CDHR1: variants seen among roughly 807,000 people sequenced by gnomAD.
The protein encoded by CDHR1 is cadherin-related family member 1.
A neutral mutation model predicts 72.1 loss-of-function variants in CDHR1; 61 were observed. That is an observed-to-expected ratio of 0.85 (90% CI 0.69 to 1.05). The LOEUF (loss-of-function observed/expected upper bound fraction) is 1.05. CDHR1 is among the 50% of genes least tolerant of loss of function. The probability of loss-of-function intolerance (pLI) is 0.00; values close to 1 mark genes in which losing one functional copy is unlikely to be tolerated. For missense variants in CDHR1, 1,186 were observed against 1,115.7 expected (o/e 1.06, Z -0.90); for synonymous variants, 470 against 448.1 (o/e 1.05, Z -0.62).
Position 84,197,797 on chromosome 10 carries a change from G to A in CDHR1, c.309G>A (p.Glu103=). 4 of 1,614,068 alleles carry A rather than the reference G, an allele frequency of 2.5e-6. No individual in the cohort carries two copies. Among genetic ancestry groups the A allele is most frequent in the Non-Finnish European group, 3.4e-6 (4 of 1,179,950 alleles). The change falls in exon 4 of 17, where the codon GAG becomes GAA. Residue 103 remains glutamate (E), a synonymous_variant. Transcript: ENST00000623527. ...CCTGTGCTTCACAGAGGGAAGATGAGATTGAAGCCATCATCAGCATTTCTG... is the reference window on the plus strand; with the variant it reads ...CCTGTGCTTCACAGAGGGAAGATGAAATTGAAGCCATCATCAGCATTTCTG... The part of the protein sequence containing the change: ...VEELDRERED[E]IEAIISISDG...
chr10:84,201,754 C>A, intron 6 of CDHR1, 53 bp from the exon 7 acceptor site: 1 of 1,471,916 alleles, frequency 6.8e-7, no homozygotes, highest in Non-Finnish European at 9.4e-7. Context: ...GCGGGCATTC[C>A]TGGGGCTGGC....
Position 84,217,871 on chromosome 10 carries a change from G to A in CDHR1, c.*3250G>A, listed in dbSNP as rs575877403. ...ATTTGGGCGTTGACATTCCAGGGGA[G>A]TTAGGAACAATGAGAGGTCTCTAAG... On this transcript the variant is annotated 3_prime_UTR_variant, in exon 17 of 17. Coordinates refer to ENST00000623527, the MANE Select transcript of CDHR1 (RefSeq NM_033100.4). 9 of 985,502 alleles carry A rather than the reference G, an allele frequency of 9.1e-6. No homozygotes were observed. The South Asian group carries it at 3.3e-4, about 36-fold the overall frequency. 61.0% of individuals were successfully genotyped at this position (985,502 alleles called of 1,614,324 possible).
chr10:84,204,286 C>A (rs115808769), intron 8 of CDHR1, among the ~76,000 whole-genome samples: 36 of 152,248 alleles, frequency 2.4e-4, no homozygotes, highest in Non-Finnish European at 4.7e-4. Context: ...CTGGGCAGCA[C>A]AGGTACTGAC....
chr10:84,196,420 G>C, intron 2 of CDHR1, 85 bp from the exon 3 acceptor site: 1 of 1,441,486 alleles, frequency 6.9e-7, no homozygotes, highest in East Asian at 2.3e-5. Context: ...TTTATAAACA[G>C]CTGAATCGTT....
chr10:84,194,618 C>G lies in CDHR1; in HGVS notation c.-143C>G. On this transcript the variant is annotated 5_prime_UTR_variant, in exon 1 of 17. Coordinates refer to ENST00000623527, the MANE Select transcript of CDHR1 (RefSeq NM_033100.4). ...TAGCGCCCTCACGCCACCCGCCGCTCCCGCCCCGTGCCCCCTCCCGCCGCG... is the reference window on the plus strand; with the variant it reads ...TAGCGCCCTCACGCCACCCGCCGCTGCCGCCCCGTGCCCCCTCCCGCCGCG... 2 of 527,096 alleles carry G rather than the reference C, an allele frequency of 3.8e-6. No individual in the cohort carries two copies. Among genetic ancestry groups the G allele is most frequent in the Non-Finnish European group, 3.1e-6 (1 of 325,860 alleles). 32.7% of individuals were successfully genotyped at this position (527,096 alleles called of 1,614,324 possible).
At chr10:84,213,952 T>C in intron 16 of CDHR1, 130 bp from the exon 17 acceptor site, 1 of 1,190,966 alleles carries the variant, frequency 8.4e-7, no homozygotes, top group Non-Finnish European at 1.2e-6. Context: ...ATAGTGCCTA[T>C]CAGATTCTCA....
chr10:84,203,154 C>T (rs755423104), intron 8 of CDHR1, 31 bp downstream of exon 8: 2 of 1,613,492 alleles, frequency 1.2e-6, no homozygotes, highest in African/African-American at 1.3e-5. Flanking sequence ...GCCAGCGATC[C>T]CTCCAAATGC....
intron 5 of CDHR1, among the ~76,000 whole-genome samples, chr10:84,200,367 T>C (rs1231226402): frequency 6.6e-6 from 1 of 152,208 alleles, no homozygotes; most frequent in East Asian, 1.9e-4. Context: ...CCTCTCTCCT[T>C]GAGCACATCC....
Position 84,200,703 on chromosome 10 carries a change from C to T in CDHR1, c.525+16C>T, listed in dbSNP as rs1388227530. On this transcript the variant is annotated intron_variant, in intron 6 of 16. Coordinates refer to ENST00000623527, the MANE Select transcript of CDHR1 (RefSeq NM_033100.4). Reference sequence around the variant, plus strand: ...CTTCCTGCAGGTAAGGCAGGACACACAGGACCTAACCTGGGGCTGGGCCGG... The same window carrying T: ...CTTCCTGCAGGTAAGGCAGGACACATAGGACCTAACCTGGGGCTGGGCCGG... 2 of 1,591,328 alleles carry T rather than the reference C, an allele frequency of 1.3e-6. No homozygotes were observed. The highest frequency in any genetic ancestry group is 8.6e-7 in the Non-Finnish European group (1 of 1,163,986).
At chr10:84,211,222 C>A (rs1225071806) in intron 13 of CDHR1, 57 bp downstream of exon 13, 5 of 1,580,002 alleles carry the variant, frequency 3.2e-6, no homozygotes, top group African/African-American at 1.3e-5. Flanking sequence ...TGAAGCCAGA[C>A]AAATCTGGAA....
intron 12 of CDHR1, among the ~76,000 whole-genome samples, chr10:84,210,486 C>T (rs1479531956): frequency 2.0e-5 from 3 of 152,052 alleles, no homozygotes; most frequent in African/African-American, 2.4e-5. Context: ...AGGCTGGTCT[C>T]GAACTCCCGA....
In CDHR1 at chr10:84,215,095, A is replaced by G. The variant is rs1483740843; in HGVS notation, c.*474A>G. ...CAGGAGCAGGAAAAGGAGGCTCAGC[A>G]CTGTCTCAGGCTGGAGGTCAGCGAA... is the stretch of plus-strand genomic sequence containing the variant. On this transcript the variant is annotated 3_prime_UTR_variant, in exon 17 of 17. Transcript: ENST00000623527. The G allele has an allele frequency of 9.5e-7, 1 of 1,053,206 alleles. No individual in the cohort carries two copies. The highest frequency in any genetic ancestry group is 1.7e-5 in the African/African-American group (1 of 59,030). 65.2% of individuals were successfully genotyped at this position (1,053,206 alleles called of 1,614,324 possible). A position where few individuals can be genotyped will look rare whatever the true frequency, so the allele number is the denominator to read the frequency against.
At position 84,212,410 on chromosome 10, in the gene CDHR1, A is replaced by G. The variant is rs969289476; in HGVS notation, c.1782+3A>G. 1 of 1,612,844 alleles carries G rather than the reference A, an allele frequency of 6.2e-7. No individual in the cohort carries two copies. The highest frequency in any genetic ancestry group is 1.3e-5 in the African/African-American group (1 of 75,022). ...TAGGGACCCCAGTGAAAATTGAGGT[A>G]AGTTTTGGAGGCAGCTGAGCTCCCC... On this transcript the variant is annotated splice_donor_region_variant and intron_variant, in intron 15 of 16. Coordinates refer to ENST00000623527, the MANE Select transcript of CDHR1 (RefSeq NM_033100.4).
In CDHR1 at chr10:84,194,627, T is replaced by G; in HGVS notation, c.-134T>G. 96 of 474,680 alleles carry G rather than the reference T, an allele frequency of 2.0e-4. No homozygotes were observed. Among genetic ancestry groups the G allele is most frequent in the Middle Eastern group, 6.1e-4 (1 of 1,642 alleles). The allele number at this position is 474,680 out of a possible 1,614,324, so 29.4% of individuals were successfully genotyped here. On this transcript the variant is annotated 5_prime_UTR_variant, in exon 1 of 17. Coordinates refer to ENST00000623527, the MANE Select transcript of CDHR1 (RefSeq NM_033100.4). ...CACGCCACCCGCCGCTCCCGCCCCG[T>G]GCCCCCTCCCGCCGCGGCTGCAGTC...
intron 15 of CDHR1, 40 bp downstream of exon 15, chr10:84,212,447 G>C: frequency 6.5e-7 from 1 of 1,533,032 alleles, no homozygotes; most frequent in South Asian, 1.1e-5. Context: ...AAAAGCCTGG[G>C]TCCAGCAGCT....
chr10:84,201,295 C>A (rs775794063), intron 6 of CDHR1, among the ~76,000 whole-genome samples: 1 of 152,146 alleles, frequency 6.6e-6, no homozygotes, highest in South Asian at 2.1e-4. Context: ...CCAGAAGGGC[C>A]CCCAGGGACC....
Position 84,211,038 on chromosome 10 carries a change from G to C in CDHR1, c.1358G>C (p.Ser453Thr). Residue 453 changes from serine (S) to threonine (T), a missense_variant, in exon 13 of 17, where the codon AGT becomes ACT. Physicochemically the swap from Ser to Thr is moderately conservative, Grantham distance 58. Coordinates refer to ENST00000623527, the MANE Select transcript of CDHR1 (RefSeq NM_033100.4). Reference protein sequence around the residue: ...AVEVNTPEKFSSTADVVIQLL... With the variant: ...AVEVNTPEKFTSTADVVIQLL... Reference sequence around the variant, plus strand: ...GAAGTGAACACCCCAGAGAAGTTCAGTTCCACAGCGGATGTTGTGATCCAG... The same window carrying C: ...GAAGTGAACACCCCAGAGAAGTTCACTTCCACAGCGGATGTTGTGATCCAG... 1 of 1,614,214 alleles carries C rather than the reference G, an allele frequency of 6.2e-7. No individual in the cohort carries two copies. The highest frequency in any genetic ancestry group is 8.5e-7 in the Non-Finnish European group (1 of 1,180,026).
chr10:84,203,800 G>T (rs375758417), intron 8 of CDHR1, among the ~76,000 whole-genome samples: 3 of 152,224 alleles, frequency 2.0e-5, no homozygotes, highest in Admixed American at 6.5e-5. Flanking sequence ...GAGAGATGCC[G>T]GACTGCTCTG....
chr10:84,208,759 G>A lies in CDHR1; in HGVS notation c.1198G>A (p.Val400Met). 1 of 1,614,128 alleles carries A rather than the reference G, an allele frequency of 6.2e-7. No homozygotes were observed. Among genetic ancestry groups the A allele is most frequent in the Middle Eastern group, 1.6e-4 (1 of 6,062 alleles). Residue 400 changes from valine (V) to methionine (M), a missense_variant, in exon 12 of 17, where the codon GTG becomes ATG. Coordinates refer to ENST00000623527, the MANE Select transcript of CDHR1 (RefSeq NM_033100.4). ...CAATGCCAAATTCAACTTGCAGCTGGTGGGACCCAGGGGCATCTTCCGAGT... is the reference window on the plus strand; with the variant it reads ...CAATGCCAAATTCAACTTGCAGCTGATGGGACCCAGGGGCATCTTCCGAGT... Reference protein sequence around the residue: ...GANAKFNLQLVGPRGIFRVVP... With the variant: ...GANAKFNLQLMGPRGIFRVVP...
Sources: allele counts gnomAD v4.1 joint callset (sites outside exome capture counted in the v4.1 genomes callset), GRCh38; gene constraint gnomAD v4.1.1; transcripts MANE v1.5; gene names NCBI Gene and HGNC (gene_info 2026-07-23, HGNC 2026-07-21).